ABCC5: variants seen among roughly 807,000 people sequenced by gnomAD.
ABCC5 encodes the protein ATP binding cassette subfamily C member 5, also known as ATP-binding cassette sub-family C member 5.
Under a neutral mutation model 160.9 loss-of-function variants are expected in ABCC5, and 61 were observed. The observed-to-expected ratio is 0.38, with a 90% CI of 0.31 to 0.47. ABCC5 has a LOEUF of 0.47. Among genes scored for constraint, ABCC5 ranks in the 20% least tolerant of loss-of-function variants. The pLI is 0.99. For synonymous variants in ABCC5, 666 were observed against 700.6 expected, an observed-to-expected ratio of 0.95 and a Z score of 0.78; for missense variants, 1,308 against 1,813.3, an observed-to-expected ratio of 0.72 and a Z score of 5.06.
intron 2 of ABCC5, among the ~76,000 whole-genome samples, chr3:183,998,673 AAAAAAAAC>A (rs1191112728): frequency 5.9e-5 from 6 of 101,886 alleles, no homozygotes; most frequent in African/African-American, 1.9e-4. Context: ...TGGGCCTGTC[AAAAAAAAC>A]AAAAAAACAA....
chr3:183,987,965 C>A lies in ABCC5; in HGVS notation c.444-48G>T, dbSNP rs199530795. ...GTTACACATCTCCTCGGGGGAAAGG[C>A]ACACCTAGCTCCCCGCCTGCCACCA... On this transcript the variant is annotated intron_variant, in intron 4 of 29. Coordinates refer to ENST00000334444, the MANE Select transcript of ABCC5 (RefSeq NM_005688.4). This position sits in a 1 kb window ranked among gnomAD's most constrained non-coding sequence, Gnocchi z 4.2. The A allele has an allele frequency of 1.7e-3, 2,690 of 1,596,734 alleles. 26 individuals carry two copies. Among genetic ancestry groups the A allele is most frequent in the South Asian group, 0.014 (1,267 of 89,884 alleles).
intron 25 of ABCC5, among the ~76,000 whole-genome samples, chr3:183,939,944 G>A (rs1714129906): frequency 6.6e-6 from 1 of 152,112 alleles, no homozygotes; most frequent in African/African-American, 2.4e-5. Context: ...ACTCATGGAG[G>A]GCGCAAACAG....
chr3:183,978,362 T>C, intron 9 of ABCC5, 141 bp downstream of exon 9: 1 of 921,354 alleles, frequency 1.1e-6, no homozygotes, highest in Non-Finnish European at 1.6e-6. Context: ...GGAGTCTTGC[T>C]CTGTCCCCCA....
At chr3:184,006,848 A>AGC (rs2108912889) in intron 2 of ABCC5, among the ~76,000 whole-genome samples, 1 of 152,290 alleles carries the variant, frequency 6.6e-6, no homozygotes, top group South Asian at 2.1e-4. Context: ...ATACTAAGTA[A>AGC]GAGCCCTGGA....
intron 5 of ABCC5, chr3:183,984,621 G>A (rs568598841): frequency 2.8e-6 from 4 of 1,410,296 alleles, no homozygotes; most frequent in Non-Finnish European, 2.8e-6. Context: ...TCAAATAGGA[G>A]ACTTCAGATT....
Position 183,981,779 on chromosome 3 carries a change from A to G in ABCC5, c.1095T>C (p.Ile365=). 6.2e-7 allele frequency: 1 copy of G among 1,609,882 alleles called. No individual in the cohort carries two copies. The highest frequency in any genetic ancestry group is 8.5e-7 in the Non-Finnish European group (1 of 1,178,986). Reference sequence around the variant, plus strand: ...CCCAGGCATACATTTTGATAAATTTAATGTAAGTAAGAACTTCATTCATCT... The same window carrying G: ...CCCAGGCATACATTTTGATAAATTTGATGTAAGTAAGAACTTCATTCATCT... ...VQKMNEVLTY[I]KFIKMYAWVK... Residue 365 remains isoleucine (I), a synonymous_variant, in exon 8 of 30, where the codon ATT becomes ATC. Coordinates refer to ENST00000334444, the MANE Select transcript of ABCC5 (RefSeq NM_005688.4).
chr3:183,964,148 A>G (rs1441967161), intron 14 of ABCC5, among the ~76,000 whole-genome samples: 1 of 152,148 alleles, frequency 6.6e-6, no homozygotes, highest in Non-Finnish European at 1.5e-5. Flanking sequence ...TTCTGGCATC[A>G]TCTCCTCTGA....
chr3:183,984,165 AC>A, intron 5 of ABCC5: 1 of 985,496 alleles, frequency 1.0e-6, no homozygotes, highest in Non-Finnish European at 1.2e-6. Context: ...CTACTGGTGC[AC>A]TAAGTTGTGA....
intron 20 of ABCC5, 74 bp from the exon 21 acceptor site, chr3:183,950,199 G>T: frequency 6.7e-7 from 1 of 1,482,094 alleles, no homozygotes; most frequent in South Asian, 1.4e-5. Context: ...AAAACAAAAA[G>T]GGGTTCCACA....
chr3:184,007,016 C>CTTTT lies in ABCC5; in HGVS notation c.129+7244_129+7247dup, dbSNP rs376229755. 2.6e-3 allele frequency among the ~76,000 whole-genome samples: 209 copies of CTTTT among 81,146 alleles called. 2 individuals carry two copies. The highest frequency in any genetic ancestry group is 4.6e-3 in the African/African-American group (86 of 18,856). The allele number at this position is 81,146 out of a possible 152,430, so 53.2% of individuals were successfully genotyped here. ...GTACATGAACTTTAGTTTACTTCTG[C>CTTTT]TTTTTTTTTTTTTTTTTTTTTTTTG... On this transcript the variant is annotated intron_variant, in intron 2 of 29. Coordinates refer to ENST00000334444, the MANE Select transcript of ABCC5 (RefSeq NM_005688.4).
intron 17 of ABCC5, among the ~76,000 whole-genome samples, chr3:183,953,587 A>C (rs1228435887): frequency 2.0e-5 from 3 of 152,166 alleles, no homozygotes; most frequent in Non-Finnish European, 4.4e-5. Flanking sequence ...AAATGTGCTC[A>C]ATGTGATGAT....
intron 2 of ABCC5, among the ~76,000 whole-genome samples, chr3:183,994,117 C>G (rs1327766153): frequency 6.6e-6 from 1 of 151,960 alleles, no homozygotes; most frequent in Non-Finnish European, 1.5e-5. Flanking sequence ...ATGCCCACCA[C>G]CAACCCGTCT....
chr3:183,941,995 C>T (rs900963772), intron 25 of ABCC5, among the ~76,000 whole-genome samples: 6 of 151,862 alleles, frequency 4.0e-5, no homozygotes, highest in Non-Finnish European at 8.8e-5. Context: ...AAGTAAATTA[C>T]TCAAGTCCTG....
At chr3:184,013,536 G>C (rs1721931976) in intron 2 of ABCC5, among the ~76,000 whole-genome samples, 1 of 152,142 alleles carries the variant, frequency 6.6e-6, no homozygotes, top group African/African-American at 2.4e-5. Context: ...TTACAAGCAT[G>C]AGCCACTGTG....
intron 18 of ABCC5, 58 bp from the exon 19 acceptor site, chr3:183,952,061 C>T: frequency 6.4e-7 from 1 of 1,563,954 alleles, no homozygotes; most frequent in Non-Finnish European, 8.7e-7. Flanking sequence ...AGAGCCCCTG[C>T]TCAGCGCCAT....
chr3:183,962,121 C>T (rs1225931861), intron 15 of ABCC5, among the ~76,000 whole-genome samples: 15 of 152,176 alleles, frequency 9.9e-5, no homozygotes, highest in South Asian at 2.1e-4. Flanking sequence ...AATGGGCTTA[C>T]ATCCTGATAA....
At chr3:183,952,862 CCTGCAGGTGTCCTA>C (rs1345289722) in intron 18 of ABCC5, among the ~76,000 whole-genome samples, 3 of 152,158 alleles carry the variant, frequency 2.0e-5, no homozygotes, top group African/African-American at 4.8e-5. Flanking sequence ...GAACAGATAG[CCTGCAGGTGTCCTA>C]CTGCACGCCC....
chr3:184,013,243 T>G (rs1349942898), intron 2 of ABCC5, among the ~76,000 whole-genome samples: 2 of 152,104 alleles, frequency 1.3e-5, no homozygotes, highest in African/African-American at 4.8e-5. Context: ...CTCCAAAGGA[T>G]TCACATTTTA....
intron 17 of ABCC5, among the ~76,000 whole-genome samples, chr3:183,956,710 T>A (rs1382713633): frequency 7.9e-4 from 43 of 54,396 alleles, no homozygotes; most frequent in African/African-American, 5.2e-3. Context: ...GTATATCATA[T>A]AGGTTACATG....
Sources: allele counts gnomAD v4.1 joint callset (sites outside exome capture counted in the v4.1 genomes callset), GRCh38; gene constraint gnomAD v4.1.1; non-coding constraint Gnocchi (gnomAD v3.1); transcripts MANE v1.5; gene names NCBI Gene and HGNC (gene_info 2026-07-23, HGNC 2026-07-21).